The following CTDSP2 variants were observed in gnomAD, a reference collection of about 807,000 sequenced individuals.
CTDSP2 encodes carboxy-terminal domain RNA polymerase II polypeptide A small phosphatase 2.
In CTDSP2, 9 loss-of-function variants were observed where a neutral mutation model predicts 31.6. The observed-to-expected ratio is 0.28, with a 90% CI of 0.17 to 0.50. The LOEUF (loss-of-function observed/expected upper bound fraction) is 0.50. Among genes scored for constraint, CTDSP2 ranks in the 20% least tolerant of loss-of-function variants. The pLI is 0.98. For missense variants in CTDSP2, 267 were observed against 348.5 expected (o/e 0.77, Z 1.86); for synonymous variants, 134 against 134.5 (o/e 1.00, Z 0.03).
At chr12:57,836,827 TCAG>T (rs1314399025) in intron 1 of CTDSP2, among the ~76,000 whole-genome samples, 1 of 152,224 alleles carries the variant, frequency 6.6e-6, no homozygotes, top group Admixed American at 6.5e-5. Flanking sequence ...TGCCTGCGAT[TCAG>T]CAGAAGGTAA....
At chr12:57,832,898 G>A (rs1956225435) in intron 1 of CTDSP2, among the ~76,000 whole-genome samples, 1 of 151,810 alleles carries the variant, frequency 6.6e-6, no homozygotes, top group Non-Finnish European at 1.5e-5. Flanking sequence ...GAAATTGGAG[G>A]GAAAGGACAG....
At chr12:57,825,863 G>A (rs906166877) in intron 5 of CTDSP2, among the ~76,000 whole-genome samples, 1 of 152,156 alleles carries the variant, frequency 6.6e-6, no homozygotes, top group African/African-American at 2.4e-5. Context: ...TTCACAGTGG[G>A]GGTGGCAGGG....
rs1339785850 is a variant in CTDSP2 at position 57,826,405 on chromosome 12, G to A, written c.355-3C>T. 6.2e-7 allele frequency: 1 copy of A among 1,614,086 alleles called. No individual in the cohort carries two copies. The highest frequency in any genetic ancestry group is 1.7e-5 in the Admixed American group (1 of 60,026). ...ATGAAGTCAGCATTGTTGATTGGCT[G>A]GAAGGCAGAAAAGTTAATGCTGTCA... On this transcript the variant is annotated splice_polypyrimidine_tract_variant and splice_region_variant and intron_variant, in intron 4 of 7. Coordinates refer to ENST00000398073, the MANE Select transcript of CTDSP2 (RefSeq NM_005730.4).
At chr12:57,838,324 GC>G (rs1956260269) in intron 1 of CTDSP2, among the ~76,000 whole-genome samples, 1 of 152,184 alleles carries the variant, frequency 6.6e-6, no homozygotes, top group Admixed American at 6.5e-5. Flanking sequence ...ACTGGATCCT[GC>G]CCCTGCCTCA....
chr12:57,820,661 A>C lies in CTDSP2; in HGVS notation c.*2941T>G, dbSNP rs146589845. 2 of 152,656 alleles carry C rather than the reference A, an allele frequency of 1.3e-5. No individual in the cohort carries two copies. The highest frequency in any genetic ancestry group is 4.8e-5 in the African/African-American group (2 of 41,452). The allele number at this position is 152,656 out of a possible 1,614,324, so 9.5% of individuals were successfully genotyped here. ...AATCTTTGGGAAGCAAGAGGAAGCT[A>C]AACAGAAGGTCCCATGTTAACTGAA... On this transcript the variant is annotated 3_prime_UTR_variant, in exon 8 of 8. Coordinates refer to ENST00000398073, the MANE Select transcript of CTDSP2 (RefSeq NM_005730.4).
chr12:57,830,466 A>C (rs940168137), intron 1 of CTDSP2, among the ~76,000 whole-genome samples: 1 of 152,158 alleles, frequency 6.6e-6, no homozygotes, highest in Non-Finnish European at 1.5e-5. Context: ...CAGGCTAGAA[A>C]CAAGAGACTA....
Position 57,823,131 on chromosome 12 carries a change from C to A in CTDSP2, c.*471G>T, listed in dbSNP as rs148199495. On this transcript the variant is annotated 3_prime_UTR_variant, in exon 8 of 8. Transcript: ENST00000398073. ...TCAGAAAGGTGTGTGCCTGGAGTAC[C>A]CAAAGGCATACCCTTCCTTTATCCT... 3.6e-3 allele frequency: 590 copies of A among 163,826 alleles called. 4 individuals are homozygous for A. Among genetic ancestry groups the A allele is most frequent in the African/African-American group, 0.013 (548 of 41,968 alleles). 10.1% of individuals were successfully genotyped at this position (163,826 alleles called of 1,614,324 possible).
chr12:57,840,415 C>A (rs1956275652), intron 1 of CTDSP2, among the ~76,000 whole-genome samples: 2 of 152,160 alleles, frequency 1.3e-5, no homozygotes, highest in Admixed American at 1.3e-4. Flanking sequence ...AGGACTCATG[C>A]CTAGGATCCA....
In CTDSP2 at chr12:57,826,462, C is replaced by T. The variant is rs867038279; in HGVS notation, c.355-60G>A. The T allele has an allele frequency of 1.2e-5, 19 of 1,541,084 alleles. No individual in the cohort carries two copies. In the Middle Eastern group the frequency reaches 5.0e-4, roughly 41 times the overall value. On this transcript the variant is annotated intron_variant, in intron 4 of 7. Coordinates refer to ENST00000398073, the MANE Select transcript of CTDSP2 (RefSeq NM_005730.4). ...TGGCAAAGAAACATGAGGCCCCCAC[C>T]ATACCCCTAGGTGGGTGGGGAGAAA...
At chr12:57,829,379 C>G in intron 2 of CTDSP2, 69 bp downstream of exon 2, 2 of 1,551,330 alleles carry the variant, frequency 1.3e-6, no homozygotes, top group Admixed American at 3.5e-5. Flanking sequence ...GTCCGGTTGC[C>G]ATCGTCTGCA....
chr12:57,826,349 G>A lies in CTDSP2; in HGVS notation c.408C>T (p.His136=), dbSNP rs1477745119. 7 of 1,613,902 alleles carry A rather than the reference G, an allele frequency of 4.3e-6. No homozygotes were observed. Among genetic ancestry groups the A allele is most frequent in the East Asian group, 2.2e-5 (1 of 44,874 alleles). The change falls in exon 5 of 8, where the codon CAC becomes CAT. Residue 136 remains histidine, a synonymous_variant. Coordinates refer to ENST00000398073, the MANE Select transcript of CTDSP2 (RefSeq NM_005730.4). The part of the protein sequence containing the change: ...IVPIEIEGTT[H]QVYVLKRPYV... ...TGTGGTCTGGCTGGCAGCTCACCTG[G>A]TGAGTGGTCCCCTCAATCTCTATAG...
intron 1 of CTDSP2, among the ~76,000 whole-genome samples, chr12:57,833,698 T>C (rs1479003765): frequency 1.3e-5 from 2 of 152,202 alleles, no homozygotes; most frequent in African/African-American, 2.4e-5. Flanking sequence ...GGGCCTGTCA[T>C]GTCTACAGAG....
At chr12:57,837,041 G>A (rs943696550) in intron 1 of CTDSP2, 1 of 152,224 alleles carries the variant, frequency 6.6e-6, no homozygotes. Flanking sequence ...AGAGTATTTG[G>A]AGCATTTCCG....
chr12:57,829,115 C>G (rs1466385399), intron 2 of CTDSP2, among the ~76,000 whole-genome samples: 1 of 152,194 alleles, frequency 6.6e-6, no homozygotes, highest in Admixed American at 6.5e-5. Context: ...TCCATATCTG[C>G]AAAGTGTGAA....
At chr12:57,843,389 C>A (rs1956294385) in intron 1 of CTDSP2, among the ~76,000 whole-genome samples, 1 of 152,142 alleles carries the variant, frequency 6.6e-6, no homozygotes, top group African/African-American at 2.4e-5. Context: ...CCATTTCACC[C>A]ATCTGTCTGG....
chr12:57,843,170 G>A (rs571972966), intron 1 of CTDSP2, among the ~76,000 whole-genome samples: 1 of 152,238 alleles, frequency 6.6e-6, no homozygotes, highest in East Asian at 1.9e-4. Flanking sequence ...CCTCCACCAG[G>A]TCTCATTTCA....
chr12:57,839,526 G>A (rs1051180350), intron 1 of CTDSP2, among the ~76,000 whole-genome samples: 2 of 152,130 alleles, frequency 1.3e-5, no homozygotes, highest in Non-Finnish European at 2.9e-5. Context: ...AGACCATCCT[G>A]GCTAACACAG....
chr12:57,836,785 T>G (rs1163528346), intron 1 of CTDSP2, among the ~76,000 whole-genome samples: 3 of 152,204 alleles, frequency 2.0e-5, no homozygotes, highest in African/African-American at 4.8e-5. Flanking sequence ...CAACACAGCT[T>G]TGTGTCCCAG....
intron 1 of CTDSP2, among the ~76,000 whole-genome samples, chr12:57,839,997 A>T (rs374761593): frequency 5.7e-4 from 87 of 152,136 alleles, no homozygotes; most frequent in African/African-American, 2.0e-3. Context: ...CTGTCCATTT[A>T]CTCTGAAAAC....
Sources: allele counts gnomAD v4.1 joint callset (sites outside exome capture counted in the v4.1 genomes callset), GRCh38; gene constraint gnomAD v4.1.1; transcripts MANE v1.5; gene names NCBI Gene and HGNC (gene_info 2026-07-23, HGNC 2026-07-21).